The following ATAD2B variants were observed in gnomAD, a reference collection of about 807,000 sequenced individuals.
The protein encoded by ATAD2B is ATPase family AAA domain containing 2B, also known as ATPase family AAA domain-containing protein 2B.
ATAD2B carries 40 observed loss-of-function variants against 167.6 expected under a neutral mutation model. That is an observed-to-expected ratio of 0.24 (90% confidence interval 0.19 to 0.31). ATAD2B has a LOEUF of 0.31. Ranked by LOEUF, ATAD2B falls within the 10% of genes least tolerant of loss-of-function variation. The pLI is 1.00. For missense variants in ATAD2B, 1,242 were observed against 1,757.2 expected (o/e 0.71, Z 5.24); for synonymous variants, 579 against 596.5 (o/e 0.97, Z 0.43).
chr2:23,752,441 G>T (rs964357957), intron 27 of ATAD2B, among the ~76,000 whole-genome samples: 1 of 150,334 alleles, frequency 6.7e-6, no homozygotes, highest in East Asian at 1.9e-4. Context: ...TTTACTAAGA[G>T]ATTTCTATAT....
At chr2:23,692,374 CG>C in the ATAD2B span, among the ~76,000 whole-genome samples, 34 of 152,210 alleles carry the variant, frequency 2.2e-4, no homozygotes, top group African/African-American at 7.7e-4. Context: ...CAGGAGCTCC[CG>C]GGGGGGTCGC....
At chr2:23,703,134 G>T in the ATAD2B span, 1 of 1,317,600 alleles carries the variant, frequency 7.6e-7, no homozygotes. Context: ...TGTGACCTCT[G>T]CCCCGCACAA....
rs1469076764 is a variant in ATAD2B, at chr2:23,788,565, T to C, written c.2723A>G (p.Gln908Arg). The C allele has an allele frequency of 2.5e-6, 4 of 1,613,108 alleles. No homozygotes were observed. Among genetic ancestry groups the C allele is most frequent in the Non-Finnish European group, 3.4e-6 (4 of 1,179,316 alleles). Residue 908 changes from glutamine to arginine, a missense_variant, in exon 20 of 28, where the codon CAA (glutamine) becomes CGA (arginine). This residue lies in a region of ATAD2B where 204 missense variants were observed against 324.0 expected (regional missense o/e 0.63). Coordinates refer to ENST00000238789, the MANE Select transcript of ATAD2B (RefSeq NM_017552.4). ...TGATGCCTGATTGAGAATCAATTCT[T>C]GAAAAAATTTTCTTCTGTCTTCTTC... ...PIEEDRRKFF[Q>R]ELILNQASMA...
At chr2:23,818,050 AATAACT>A (rs1300736746) in intron 17 of ATAD2B, among the ~76,000 whole-genome samples, 1 of 151,094 alleles carries the variant, frequency 6.6e-6, no homozygotes, top group East Asian at 1.9e-4. Context: ...TACAAATCCA[AATAACT>A]ATAACTGTCA....
intron 23 of ATAD2B, among the ~76,000 whole-genome samples, chr2:23,764,761 A>T (rs1294310699): frequency 6.6e-6 from 1 of 151,888 alleles, no homozygotes; most frequent in Admixed American, 6.6e-5. Flanking sequence ...CCCTATTTCC[A>T]GCATTCTGTA....
At chr2:23,898,553 A>C (rs1017000700) in intron 1 of ATAD2B, among the ~76,000 whole-genome samples, 1 of 152,194 alleles carries the variant, frequency 6.6e-6, no homozygotes, top group Non-Finnish European at 1.5e-5. Context: ...GCTATAACTC[A>C]ACCACCTTGG....
Position 23,905,724 on chromosome 2 carries a change from T to C in ATAD2B, c.217-9754A>G, listed in dbSNP as rs1021973163. Among the ~76,000 whole-genome samples the C allele has an allele frequency of 2.0e-5, 3 of 152,194 alleles. No homozygotes were observed. The East Asian group carries it at 5.8e-4, about 29-fold the overall frequency. ...ATACAATCTCAAGTAAGAATACTTG[T>C]TTGGCTTTATAGAATTAATGTAACT... On this transcript the variant is annotated intron_variant, in intron 1 of 27. Coordinates refer to ENST00000238789, the MANE Select transcript of ATAD2B (RefSeq NM_017552.4).
intron 13 of ATAD2B, among the ~76,000 whole-genome samples, chr2:23,840,739 A>G (rs1690757242): frequency 6.6e-6 from 1 of 152,216 alleles, no homozygotes; most frequent in South Asian, 2.1e-4. Flanking sequence ...GGTGGTTCCA[A>G]TTAATCTATA....
At chr2:23,696,475 G>A in the ATAD2B span, 2 of 1,545,560 alleles carry the variant, frequency 1.3e-6, no homozygotes, top group African/African-American at 1.4e-5. This position sits in a 1 kb window ranked among gnomAD's most constrained non-coding sequence, Gnocchi z 5.5. Flanking sequence ...ACACCCTCGG[G>A]GGACTTGGCG....
At chr2:23,857,739 ATTTT>A (rs34857462) in intron 12 of ATAD2B, among the ~76,000 whole-genome samples, 1 of 120,652 alleles carries the variant, frequency 8.3e-6, no homozygotes. Flanking sequence ...ACCAAAGTGT[ATTTT>A]TTTTTTTTTT....
intron 8 of ATAD2B, among the ~76,000 whole-genome samples, chr2:23,870,117 GAAT>G (rs1695705235): frequency 6.8e-6 from 1 of 146,774 alleles, no homozygotes; most frequent in Non-Finnish European, 1.5e-5. Flanking sequence ...TGAGGAAGAA[GAAT>G]TGCTTGAACC....
intron 19 of ATAD2B, among the ~76,000 whole-genome samples, chr2:23,792,537 G>A (rs569864798): frequency 2.5e-4 from 37 of 147,970 alleles, no homozygotes; most frequent in Admixed American, 2.1e-3. Context: ...ATAAACCTAA[G>A]AAAGCTTTCA....
intron 2 of ATAD2B, among the ~76,000 whole-genome samples, chr2:23,891,351 T>A (rs1699458195): frequency 6.6e-6 from 1 of 152,154 alleles, no homozygotes; most frequent in African/African-American, 2.4e-5. Context: ...TTAGCCTGCT[T>A]AAACGTATAT....
At chr2:23,731,992 A>AAT in the ATAD2B span, among the ~76,000 whole-genome samples, 186 of 151,692 alleles carry the variant, frequency 1.2e-3, 1 homozygote, top group Non-Finnish European at 2.2e-3. Flanking sequence ...GCAAAAAAAA[A>AAT]AAAACTCTTA....
At chr2:23,763,325 C>A (rs550712472) in intron 23 of ATAD2B, among the ~76,000 whole-genome samples, 2 of 152,296 alleles carry the variant, frequency 1.3e-5, no homozygotes, top group Non-Finnish European at 2.9e-5. Flanking sequence ...TGGACTACTC[C>A]AACAGGTTTT....
chr2:23,865,167 T>C (rs1694951336), intron 10 of ATAD2B, among the ~76,000 whole-genome samples: 1 of 152,146 alleles, frequency 6.6e-6, no homozygotes, highest in Admixed American at 6.6e-5. Flanking sequence ...ATCCCCAACC[T>C]AAAACTTTAA....
the ATAD2B span, among the ~76,000 whole-genome samples, chr2:23,738,811 C>T: frequency 1.9e-4 from 29 of 152,170 alleles, no homozygotes; most frequent in East Asian, 4.2e-3. Flanking sequence ...ACCCATCTCA[C>T]GTGCAGAGAC....
At position 23,788,422 on chromosome 2, in the gene ATAD2B, A is replaced by G. The variant is rs572784625; in HGVS notation, c.2776+90T>C. ...AACCTGACAAACTGTCCTCACTTCC[A>G]AGAAGAAAGGGCTAAAATAAACTGA... On this transcript the variant is annotated intron_variant, in intron 20 of 27. Transcript: ENST00000238789. The G allele has an allele frequency of 5.7e-6, 8 of 1,415,840 alleles. No individual in the cohort carries two copies. The African/African-American group carries it at 1.1e-4, about 20-fold the overall frequency. The allele number at this position is 1,415,840 out of a possible 1,614,324, so 87.7% of individuals were successfully genotyped here.
chr2:23,880,102 T>C (rs921536034), intron 7 of ATAD2B, among the ~76,000 whole-genome samples: 2 of 150,784 alleles, frequency 1.3e-5, no homozygotes, highest in South Asian at 4.2e-4. Context: ...CCTAAAGAAC[T>C]GCTATAAATT....
Sources: gnomAD v4.1 joint callset for allele counts (sites outside exome capture counted in the v4.1 genomes callset) on GRCh38, gnomAD v4.1.1 for gene constraint, gnomAD v4.1.1 regional missense constraint, Gnocchi (gnomAD v3.1) non-coding constraint, MANE v1.5 for transcripts, NCBI Gene and HGNC (gene_info 2026-07-23, HGNC 2026-07-21) for gene names.